Variants in PRR5 observed in about 807,000 individuals in gnomAD.
PRR5 encodes proline rich 5, also known as proline-rich protein 5.
A neutral mutation model predicts 30.6 loss-of-function variants in PRR5; 25 were observed. That is an observed-to-expected ratio of 0.82 (90% CI 0.60 to 1.14). The LOEUF (loss-of-function observed/expected upper bound fraction) is 1.14, where lower values mean the gene tolerates loss of function less well. PRR5 is among the 50% of genes most tolerant of loss of function. The pLI is 0.00. For missense variants in PRR5, 600 were observed against 547.1 expected, an observed-to-expected ratio of 1.10 and a Z score of -0.96; for synonymous variants, 286 against 247.1, an observed-to-expected ratio of 1.16 and a Z score of -1.48.
chr22:44,713,340 G>C (rs1302445183), intron 1 of PRR5, among the ~76,000 whole-genome samples: 1 of 152,228 alleles, frequency 6.6e-6, no homozygotes. Flanking sequence ...CAGGTGATTC[G>C]CCCACCTCAG....
chr22:44,703,592 G>T (rs540757393), intron 1 of PRR5, among the ~76,000 whole-genome samples: 1 of 152,284 alleles, frequency 6.6e-6, no homozygotes, highest in African/African-American at 2.4e-5. Context: ...GCTGTCACAT[G>T]CCTGCCTCCG....
chr22:44,709,726 C>T (rs554740968), intron 1 of PRR5, among the ~76,000 whole-genome samples: 1 of 152,272 alleles, frequency 6.6e-6, no homozygotes, highest in East Asian at 1.9e-4. Context: ...GTGGCGCGCA[C>T]CTGTAATCCC....
At chr22:44,722,517 C>T (rs1321036067) in intron 2 of PRR5, among the ~76,000 whole-genome samples, 3 of 152,248 alleles carry the variant, frequency 2.0e-5, no homozygotes, top group Non-Finnish European at 4.4e-5. Flanking sequence ...CAGGCCACGT[C>T]TCTGGGCTTC....
At chr22:44,733,341 C>G (rs1400277617) in intron 6 of PRR5, among the ~76,000 whole-genome samples, 1 of 152,274 alleles carries the variant, frequency 6.6e-6, no homozygotes, top group Non-Finnish European at 1.5e-5. Context: ...GACCCAAGTC[C>G]TGCTTGCTAT....
chr22:44,677,531 T>C (rs1205497279), intron 1 of PRR5, among the ~76,000 whole-genome samples: 1 of 152,248 alleles, frequency 6.6e-6, no homozygotes, highest in Non-Finnish European at 1.5e-5. Context: ...GATGGCTTCT[T>C]CCTACTGCTG....
chr22:44,671,728 C>T (rs982483124), intron 1 of PRR5, among the ~76,000 whole-genome samples: 1 of 152,160 alleles, frequency 6.6e-6, no homozygotes, highest in African/African-American at 2.4e-5. Flanking sequence ...GTTCTGGAGC[C>T]AGCTGCCTGG....
chr22:44,688,881 G>A (rs776754910), intron 1 of PRR5, among the ~76,000 whole-genome samples: 1 of 152,054 alleles, frequency 6.6e-6, no homozygotes, highest in South Asian at 2.1e-4. Context: ...CCAGCTACTC[G>A]GGAGGCTGAA....
chr22:44,727,343 G>C (rs577747219), intron 4 of PRR5, among the ~76,000 whole-genome samples: 1 of 152,278 alleles, frequency 6.6e-6, no homozygotes, highest in South Asian at 2.1e-4. Flanking sequence ...AGCGGGGTCA[G>C]GTGAGGGGGT....
intron 2 of PRR5, among the ~76,000 whole-genome samples, chr22:44,721,492 T>G (rs1320590794): frequency 6.6e-6 from 1 of 152,198 alleles, no homozygotes; most frequent in Non-Finnish European, 1.5e-5. Flanking sequence ...AAATGAAGAC[T>G]TGGCCCAACC....
At chr22:44,705,365 C>T (rs1160560411) in intron 1 of PRR5, among the ~76,000 whole-genome samples, 1 of 152,122 alleles carries the variant, frequency 6.6e-6, no homozygotes, top group African/African-American at 2.4e-5. Context: ...TCACTCTTGT[C>T]CAGGCTGGAG....
rs1187899306 is a variant in PRR5 at position 44,685,554 on chromosome 22, GCCAGTGAAAGCCACACCCCTCTCC to G, written c.-11+8333_-11+8356del. Among the ~76,000 whole-genome samples the G allele has an allele frequency of 2.3e-4, 30 of 130,896 alleles. 1 individual carries two copies. The highest frequency in any genetic ancestry group is 1.4e-3 in the South Asian group (6 of 4,190). 85.9% of individuals were successfully genotyped at this position (130,896 alleles called of 152,430 possible). A position where few individuals can be genotyped will look rare whatever the true frequency, so the allele number is the denominator to read the frequency against. On this transcript the variant is annotated intron_variant, in intron 1 of 8. Coordinates refer to the PRR5 transcript ENST00000006251. ...AGCCAGTGAAAGCCACACCCCTCTC[GCCAGTGAAAGCCACACCCCTCTCC>G]CCAGTGAAAGCCACACCCTCTCCCC...
At chr22:44,727,283 C>T (rs1038636047) in intron 4 of PRR5, among the ~76,000 whole-genome samples, 8 of 152,052 alleles carry the variant, frequency 5.3e-5, no homozygotes, top group Non-Finnish European at 1.5e-5. Context: ...CCGAGAGCCT[C>T]GGGCAGCAGC....
At chr22:44,684,504 G>A (rs555447863) in intron 1 of PRR5, among the ~76,000 whole-genome samples, 37 of 152,168 alleles carry the variant, frequency 2.4e-4, no homozygotes, top group Non-Finnish European at 5.0e-4. Context: ...CCGAGATCGC[G>A]CCATTGTACT....
intron 1 of PRR5, among the ~76,000 whole-genome samples, chr22:44,693,586 G>C (rs542323680): frequency 7.0e-6 from 1 of 143,686 alleles, no homozygotes; most frequent in East Asian, 2.1e-4. Flanking sequence ...CTGGGTCTCT[G>C]TATCTCTGTG....
chr22:44,678,144 G>A (rs1422725406), intron 1 of PRR5, among the ~76,000 whole-genome samples: 5 of 152,048 alleles, frequency 3.3e-5, no homozygotes, highest in South Asian at 2.1e-4. Context: ...GTGGATGGTC[G>A]GGTCATCTCC....
At chr22:44,717,713 T>C (rs1929293067) in intron 2 of PRR5, among the ~76,000 whole-genome samples, 1 of 151,276 alleles carries the variant, frequency 6.6e-6, no homozygotes, top group African/African-American at 2.4e-5. Context: ...TTACCCCTGC[T>C]TTGCTTTTTT....
At chr22:44,718,674 G>A (rs1453398589) in intron 2 of PRR5, among the ~76,000 whole-genome samples, 1 of 152,186 alleles carries the variant, frequency 6.6e-6, no homozygotes, top group Non-Finnish European at 1.5e-5. Flanking sequence ...ACCAACACAT[G>A]TTAATTTCCA....
chr22:44,725,911 C>T (rs531859196), intron 3 of PRR5, among the ~76,000 whole-genome samples: 3 of 152,314 alleles, frequency 2.0e-5, no homozygotes, highest in South Asian at 2.1e-4. Flanking sequence ...GTGATCTGCC[C>T]GCCTCAGCCT....
Position 44,702,595 on chromosome 22 carries a change from G to C in PRR5, c.121G>C (p.Ala41Pro). The C allele has an allele frequency of 7.3e-7, 1 of 1,374,452 alleles. No homozygotes were observed. The highest frequency in any genetic ancestry group is 1.7e-5 in the South Asian group (1 of 59,652). The allele number at this position is 1,374,452 out of a possible 1,614,324, so 85.1% of individuals were successfully genotyped here. A position where few individuals can be genotyped will look rare whatever the true frequency, so the allele number is the denominator to read the frequency against. Reference protein sequence around the residue: ...GTQQRRACANATWNSIHNGVI... With the variant: ...GTQQRRACANPTWNSIHNGVI... ...GCAGCAGCGCCGGGCCTGCGCCAACGCCACCTGGAACAGGTAAGGCCGCGC... is the reference window on the plus strand; with the variant it reads ...GCAGCAGCGCCGGGCCTGCGCCAACCCCACCTGGAACAGGTAAGGCCGCGC... Residue 41 changes from alanine to proline, a missense_variant, in exon 1 of 8, where the codon GCC (alanine) becomes CCC (proline). Coordinates refer to ENST00000336985, the MANE Select transcript of PRR5 (RefSeq NM_181333.4).
Sources: gnomAD v4.1 joint callset for allele counts (sites outside exome capture counted in the v4.1 genomes callset) on GRCh38, gnomAD v4.1.1 for gene constraint, MANE v1.5 for transcripts, NCBI Gene and HGNC (gene_info 2026-07-23, HGNC 2026-07-21) for gene names.